The following JAK2 variants were observed in gnomAD, a reference collection of about 807,000 sequenced individuals.
JAK2 encodes Janus kinase 2.
JAK2 carries 86 observed loss-of-function variants against 139.3 expected under a neutral mutation model. The observed-to-expected ratio is 0.62, with a 90% CI of 0.52 to 0.74. JAK2 has a LOEUF of 0.74. Ranked by LOEUF, JAK2 falls within the 30% of genes least tolerant of loss-of-function variation. The pLI is 0.00. For synonymous variants in JAK2, 490 were observed against 437.7 expected (o/e 1.12, Z -1.49); for missense variants, 1,421 against 1,360.3 (o/e 1.04, Z -0.70).
In JAK2 at chr9:5,126,408, A is replaced by G. The variant is rs753258906; in HGVS notation, c.3253A>G (p.Asn1085Asp). ...VFHLIELLKN[N>D]GRLPRPDGCP... is the part of the protein sequence containing the mutation. ...CCATTTGATAGAACTTTTGAAGAAT[A>G]ATGGAAGATTACCAAGACCAGATGG... The change falls in exon 24 of 25, where the codon AAT becomes GAT. Residue 1085 changes from asparagine (N) to aspartate (D), a missense_variant. Transcript: ENST00000381652. 6.2e-7 allele frequency: 1 copy of G among 1,611,002 alleles called. No individual in the cohort carries two copies. Among genetic ancestry groups the G allele is most frequent in the Admixed American group, 1.7e-5 (1 of 59,710 alleles).
At chr9:5,031,713 A>G (rs957004892) in intron 4 of JAK2, among the ~76,000 whole-genome samples, 3 of 152,344 alleles carry the variant, frequency 2.0e-5, no homozygotes, top group East Asian at 1.9e-4. Flanking sequence ...AATGACTGCA[A>G]TTGTCAACTA....
chr9:5,064,364 T>A (rs997526829), intron 8 of JAK2, among the ~76,000 whole-genome samples: 2 of 152,002 alleles, frequency 1.3e-5, no homozygotes, highest in Admixed American at 6.5e-5. Flanking sequence ...AACCTGTCTT[T>A]ACTAAAAATA....
intron 4 of JAK2, among the ~76,000 whole-genome samples, chr9:5,038,482 C>T (rs1344468431): frequency 6.6e-6 from 1 of 152,068 alleles, no homozygotes; most frequent in East Asian, 1.9e-4. Context: ...AAGAAAACTA[C>T]AGACCAATGT....
chr9:5,115,951 AATGT>A (rs1437229732), intron 22 of JAK2, among the ~76,000 whole-genome samples: 1 of 152,102 alleles, frequency 6.6e-6, no homozygotes, highest in Non-Finnish European at 1.5e-5. Flanking sequence ...AGAAATACCT[AATGT>A]AGTTGATGGG....
intron 8 of JAK2, among the ~76,000 whole-genome samples, chr9:5,064,020 T>A (rs1449304314): frequency 1.3e-5 from 2 of 151,928 alleles, no homozygotes; most frequent in South Asian, 2.1e-4. Context: ...GCCGGGCGTC[T>A]TGGCGTGTGC....
At chr9:5,102,380 TACAGG>T (rs1821572147) in intron 22 of JAK2, among the ~76,000 whole-genome samples, 1 of 152,074 alleles carries the variant, frequency 6.6e-6, no homozygotes, top group Admixed American at 6.5e-5. Flanking sequence ...CTACAAGAAA[TACAGG>T]ACTATGTGAA....
chr9:5,038,278 C>A (rs1221733358), intron 4 of JAK2, among the ~76,000 whole-genome samples: 1 of 152,068 alleles, frequency 6.6e-6, no homozygotes, highest in Non-Finnish European at 1.5e-5. Flanking sequence ...AGGTCTATGA[C>A]AAATAAAGAA....
At chr9:5,023,379 A>G (rs1335908385) in intron 3 of JAK2, among the ~76,000 whole-genome samples, 1 of 151,852 alleles carries the variant, frequency 6.6e-6, no homozygotes, top group Admixed American at 6.6e-5. Flanking sequence ...GGGAGTACGC[A>G]TTCTGTTGTG....
At chr9:5,017,461 A>G (rs891857299) in intron 2 of JAK2, among the ~76,000 whole-genome samples, 1 of 152,122 alleles carries the variant, frequency 6.6e-6, no homozygotes, top group African/African-American at 2.4e-5. Context: ...AATCTTTTCC[A>G]TCATTTTTAT....
chr9:5,001,737 A>ATACAGAATTGG (rs1820939666), intron 2 of JAK2, among the ~76,000 whole-genome samples: 1 of 151,880 alleles, frequency 6.6e-6, no homozygotes, highest in African/African-American at 2.4e-5. Flanking sequence ...GTAAGAGTTT[A>ATACAGAATTGG]TACAGAATTG....
chr9:5,121,883 A>T (rs1355583475), intron 22 of JAK2, among the ~76,000 whole-genome samples: 2 of 152,184 alleles, frequency 1.3e-5, no homozygotes, highest in African/African-American at 4.8e-5. Flanking sequence ...CCAGAGGAAG[A>T]GCATATTTTG....
intron 22 of JAK2, chr9:5,098,049 C>T (rs1231034387): frequency 6.6e-6 from 1 of 152,142 alleles, no homozygotes; most frequent in Non-Finnish European, 1.5e-5. Flanking sequence ...TCATTAGCAG[C>T]AGTTATGCTA....
chr9:5,037,196 G>A (rs1374069051), intron 4 of JAK2, among the ~76,000 whole-genome samples: 1 of 152,130 alleles, frequency 6.6e-6, no homozygotes, highest in Non-Finnish European at 1.5e-5. Context: ...TCATTAAAAA[G>A]TCAGGAAACA....
In JAK2 at chr9:5,054,905, CT is replaced by C. The variant is rs1362883797; in HGVS notation, c.936+23del. 8 of 1,496,668 alleles carry C rather than the reference CT, an allele frequency of 5.3e-6. No homozygotes were observed. The highest frequency in any genetic ancestry group is 7.3e-6 in the Non-Finnish European group (8 of 1,103,344). 92.7% of individuals were successfully genotyped at this position (1,496,668 alleles called of 1,614,324 possible). On this transcript the variant is annotated intron_variant, in intron 7 of 24. Transcript: ENST00000381652. The surrounding 1 kb of genome is among the most constrained non-coding windows in gnomAD (Gnocchi z 4.9). ...AACAGGTAATCCTTAATGATATGTT[CT>C]TGTTCTTTGTTATTTTAAGTACAAT...
At chr9:5,004,654 A>G (rs1232595404) in intron 2 of JAK2, among the ~76,000 whole-genome samples, 1 of 152,112 alleles carries the variant, frequency 6.6e-6, no homozygotes, top group African/African-American at 2.4e-5. Context: ...CAGAAGTGGG[A>G]TTGCTAAATC....
intron 2 of JAK2, among the ~76,000 whole-genome samples, chr9:5,012,848 G>A (rs374402647): frequency 3.3e-5 from 5 of 152,254 alleles, no homozygotes; most frequent in South Asian, 4.2e-4. Context: ...CTAAACATTC[G>A]TAAAATATGA....
chr9:5,088,588 T>G (rs1338728661), intron 19 of JAK2, among the ~76,000 whole-genome samples: 1 of 152,214 alleles, frequency 6.6e-6, no homozygotes, highest in Non-Finnish European at 1.5e-5. Context: ...AGTTTCTTAC[T>G]TCTTAATTTG....
chr9:5,027,600 G>C (rs1428889223), intron 3 of JAK2, among the ~76,000 whole-genome samples: 1 of 152,158 alleles, frequency 6.6e-6, no homozygotes, highest in Non-Finnish European at 1.5e-5. Context: ...TGTCTCTGTA[G>C]TATGCAATGC....
intron 8 of JAK2, among the ~76,000 whole-genome samples, chr9:5,056,354 G>T (rs576142920): frequency 6.6e-6 from 1 of 151,934 alleles, no homozygotes; most frequent in Non-Finnish European, 1.5e-5. Flanking sequence ...TTGCTCTTAA[G>T]TTTCTCATTT....
Sources: allele counts gnomAD v4.1 joint callset (sites outside exome capture counted in the v4.1 genomes callset), GRCh38; gene constraint gnomAD v4.1.1; non-coding constraint Gnocchi (gnomAD v3.1); transcripts MANE v1.5; gene names NCBI Gene and HGNC (gene_info 2026-07-23, HGNC 2026-07-21).